Variants in ACOX1 observed in about 807,000 individuals in gnomAD.
ACOX1 encodes the protein peroxisomal acyl-coenzyme A oxidase 1.
In ACOX1, 41 loss-of-function variants were observed where a neutral mutation model predicts 75.5. The observed-to-expected ratio is 0.54, with a 90% confidence interval of 0.42 to 0.70. The LOEUF (loss-of-function observed/expected upper bound fraction) is 0.70. Among genes scored for constraint, ACOX1 ranks in the 30% least tolerant of loss-of-function variants. ACOX1 has a pLI of 0.00. For missense variants in ACOX1, 630 were observed against 837.5 expected (o/e 0.75, Z 3.06); for synonymous variants, 303 against 298.8 (o/e 1.01, Z -0.15).
At chr17:75,949,135 C>G (rs1042615378) in intron 12 of ACOX1, 82 bp downstream of exon 12, 1 of 1,539,956 alleles carries the variant, frequency 6.5e-7, no homozygotes, top group Non-Finnish European at 8.9e-7. Flanking sequence ...GCTGGGATTA[C>G]AGGCATGAGC....
At chr17:75,968,297 G>C (rs2065958281) in intron 2 of ACOX1, among the ~76,000 whole-genome samples, 1 of 147,914 alleles carries the variant, frequency 6.8e-6, no homozygotes, top group African/African-American at 2.5e-5. Flanking sequence ...TTAGCCGGGC[G>C]TAGTGGCGGG....
rs1272843777 is a variant in ACOX1, at chr17:75,955,775, G to A, written c.658+53C>T. The stretch of plus-strand genomic sequence containing the variant: ...TCAGTTGGGCATTCTACCTTTTGCA[G>A]AAGAAAGTGCTCAGTTTCATTTTCA... On this transcript the variant is annotated intron_variant, in intron 5 of 13. Coordinates refer to ENST00000293217, the MANE Select transcript of ACOX1 (RefSeq NM_004035.7). The A allele has an allele frequency of 3.1e-6, 5 of 1,613,758 alleles. No individual in the cohort carries two copies. The African/African-American group carries it at 4.0e-5, about 13-fold the overall frequency.
intron 4 of ACOX1, among the ~76,000 whole-genome samples, chr17:75,956,451 G>A (rs1210862859): frequency 6.6e-6 from 1 of 152,070 alleles, no homozygotes; most frequent in African/African-American, 2.4e-5. Flanking sequence ...AGCACTTTGG[G>A]AGGCCGAGGC....
Position 75,945,208 on chromosome 17 carries a change from G to C in ACOX1, c.*1540C>G, listed in dbSNP as rs747618955. 1 of 152,052 alleles carries C rather than the reference G, an allele frequency of 6.6e-6. No homozygotes were observed. The highest frequency in any genetic ancestry group is 2.4e-5 in the African/African-American group (1 of 41,398). The allele number at this position is 152,052 out of a possible 1,614,324, so 9.4% of individuals were successfully genotyped here. On this transcript the variant is annotated 3_prime_UTR_variant, in exon 14 of 14. Transcript: ENST00000293217. ...TGCCCAGATATTCATCTGTGAACAAGGTATTTCAACACTAATTTTGAAACA... is the reference window on the plus strand; with the variant it reads ...TGCCCAGATATTCATCTGTGAACAACGTATTTCAACACTAATTTTGAAACA...
Position 75,950,677 on chromosome 17 carries a change from T to G in ACOX1, c.1298+97A>C, listed in dbSNP as rs2065766265. 1 of 1,332,942 alleles carries G rather than the reference T, an allele frequency of 7.5e-7. No homozygotes were observed. Among genetic ancestry groups the G allele is most frequent in the South Asian group, 1.2e-5 (1 of 83,378 alleles). 82.6% of individuals were successfully genotyped at this position (1,332,942 alleles called of 1,614,324 possible). ...AGTATACCTTTCAGGAACAAATATA[T>G]ATATACGGTGAAGAAAAACCATGGG... On this transcript the variant is annotated intron_variant, in intron 9 of 13. Transcript: ENST00000293217. The surrounding 1 kb of genome is among the most constrained non-coding windows in gnomAD (Gnocchi z 4.3).
intron 6 of ACOX1, 46 bp downstream of exon 6, chr17:75,955,519 CA>C (rs769683839): frequency 2.7e-6 from 4 of 1,498,902 alleles, no homozygotes; most frequent in South Asian, 2.3e-5. Flanking sequence ...AACAGCCACT[CA>C]ACTCCACTGT....
intron 6 of ACOX1, among the ~76,000 whole-genome samples, chr17:75,953,984 C>T (rs2065798301): frequency 6.6e-6 from 1 of 152,172 alleles, no homozygotes; most frequent in South Asian, 2.1e-4. Context: ...TTTGGGAGGC[C>T]AAGGCAGACA....
intron 6 of ACOX1, among the ~76,000 whole-genome samples, chr17:75,954,317 T>TA (rs2065802542): frequency 6.6e-6 from 1 of 150,746 alleles, no homozygotes; most frequent in Admixed American, 6.6e-5. Context: ...GGTCAGGAGT[T>TA]TGAGACCAGC....
rs2065746721 is a variant in ACOX1 at position 75,948,850 on chromosome 17, A to ATT, written c.1728+365_1728+366dup. 3.0e-5 allele frequency among the ~76,000 whole-genome samples: 4 copies of ATT among 134,054 alleles called. 1 individual carries two copies. Among genetic ancestry groups the ATT allele is most frequent in the African/African-American group, 9.2e-5 (3 of 32,732 alleles). The allele number at this position is 134,054 out of a possible 152,430, so 87.9% of individuals were successfully genotyped here. ...CAGGCATGAGCCACTGTGCCTGGCT[A>ATT]TTTTTCTTTTTCTTTTTTTTTTTTT... On this transcript the variant is annotated intron_variant, in intron 12 of 13. Transcript: ENST00000293217.
intron 2 of ACOX1, among the ~76,000 whole-genome samples, chr17:75,967,661 CAT>C (rs773082322): frequency 9.8e-4 from 91 of 93,290 alleles, no homozygotes; most frequent in African/African-American, 5.7e-3. Flanking sequence ...TATATACATA[CAT>C]ATATATACAT....
rs754214869 is a variant in ACOX1 at position 75,978,628 on chromosome 17, G to A, written c.175C>T (p.Arg59Cys). 2.5e-6 allele frequency: 4 copies of A among 1,614,130 alleles called. No individual in the cohort carries two copies. The South Asian group carries it at 3.3e-5, about 13-fold the overall frequency. Residue 59 changes from arginine to cysteine, a missense_variant, in exon 2 of 14, where the codon CGT becomes TGT. Around this residue, in one of 2 missense-constraint regions of ACOX1, gnomAD observed 390 missense variants for 574.9 expected, o/e 0.68. Coordinates refer to ENST00000293217, the MANE Select transcript of ACOX1 (RefSeq NM_004035.7). This position sits in a 1 kb window ranked among gnomAD's most constrained non-coding sequence, Gnocchi z 4.2. Reference sequence around the variant, plus strand: ...CTTTTCCTGACAGCCACCTCATAACGCTGGCTGCGAGTGAGGAAGTTCAAG... The same window carrying A: ...CTTTTCCTGACAGCCACCTCATAACACTGGCTGCGAGTGAGGAAGTTCAAG... Reference protein sequence around the residue: ...EDLNFLTRSQRYEVAVRKSAI... With the variant: ...EDLNFLTRSQCYEVAVRKSAI...
Position 75,946,287 on chromosome 17 carries a change from C to G in ACOX1, c.*461G>C, listed in dbSNP as rs552686397. 5 of 190,674 alleles carry G rather than the reference C, an allele frequency of 2.6e-5. No homozygotes were observed. In the East Asian group the frequency reaches 7.0e-4, roughly 27 times the overall value. 11.8% of individuals were successfully genotyped at this position (190,674 alleles called of 1,614,324 possible). On this transcript the variant is annotated 3_prime_UTR_variant, in exon 14 of 14. Coordinates refer to ENST00000293217, the MANE Select transcript of ACOX1 (RefSeq NM_004035.7). ...CTTCCCCCAGTCCCTTTTCTTCAAT[C>G]CTGCTTTTAAGCCAGGCCCCAGGGT...
chr17:75,949,959 G>T, intron 9 of ACOX1, 62 bp from the exon 10 acceptor site: 1 of 1,584,724 alleles, frequency 6.3e-7, no homozygotes. Context: ...TTTTGAGATG[G>T]AGTTTCATTC....
chr17:75,950,855 C>A lies in ACOX1; in HGVS notation c.1217G>T (p.Gly406Val). The A allele has an allele frequency of 6.2e-7, 1 of 1,614,124 alleles. No individual in the cohort carries two copies. The highest frequency in any genetic ancestry group is 8.5e-7 in the Non-Finnish European group (1 of 1,180,028). ...GAAATTGACATAAATATTTGGAAGACCACTGCAATGAGAATAGCCATGCCC... is the reference window on the plus strand; with the variant it reads ...GAAATTGACATAAATATTTGGAAGAACACTGCAATGAGAATAGCCATGCCC... Reference protein sequence around the residue: ...CGGHGYSHCSGLPNIYVNFTP... With the variant: ...CGGHGYSHCSVLPNIYVNFTP... Residue 406 changes from glycine (G) to valine (V), a missense_variant, in exon 9 of 14, where the codon GGT becomes GTT. By Grantham distance (109) the Gly-to-Val change is moderately radical (BLOSUM62 -3). This residue lies in a region of ACOX1 where 390 missense variants were observed against 574.9 expected (regional missense o/e 0.68). Coordinates refer to ENST00000293217, the MANE Select transcript of ACOX1 (RefSeq NM_004035.7). This position sits in a 1 kb window ranked among gnomAD's most constrained non-coding sequence, Gnocchi z 4.3.
chr17:75,955,862 A>G lies in ACOX1; in HGVS notation c.624T>C (p.Pro208=). ...KCYGLHAFIV[P]IREIGTHKPL... ...GCTTATGGGTCCCGATTTCACGAATAGGTACGATAAAGGCATGTAATCCAT... is the reference window on the plus strand; with the variant it reads ...GCTTATGGGTCCCGATTTCACGAATGGGTACGATAAAGGCATGTAATCCAT... Residue 208 remains proline (P), a synonymous_variant, in exon 5 of 14, where the codon CCT becomes CCC. Coordinates refer to ENST00000293217, the MANE Select transcript of ACOX1 (RefSeq NM_004035.7). The G allele has an allele frequency of 6.2e-7, 1 of 1,614,128 alleles. No individual in the cohort carries two copies. Among genetic ancestry groups the G allele is most frequent in the Non-Finnish European group, 8.5e-7 (1 of 1,180,006 alleles).
In ACOX1 at chr17:75,953,445, C is replaced by T; in HGVS notation, c.944+6G>A. The T allele has an allele frequency of 2.5e-6, 4 of 1,613,546 alleles. No homozygotes were observed. In the South Asian group the frequency reaches 4.4e-5, roughly 18 times the overall value. ...GTACTGAGCCCATCTAGGACCCTAT[C>T]CTTACCCTGGCTTGATTTCAGACTG... On this transcript the variant is annotated splice_donor_region_variant and intron_variant, in intron 7 of 13. Transcript: ENST00000293217.
Position 75,960,104 on chromosome 17 carries a change from A to T in ACOX1, c.430+111T>A. 7.2e-7 allele frequency: 1 copy of T among 1,391,546 alleles called. No individual in the cohort carries two copies. Among genetic ancestry groups the T allele is most frequent in the Non-Finnish European group, 1.0e-6 (1 of 998,768 alleles). The allele number at this position is 1,391,546 out of a possible 1,614,324, so 86.2% of individuals were successfully genotyped here. ...TGGACTCTGCAGAAAGAGCTCATTT[A>T]AACAGACCATAGAACATCGACACAC... On this transcript the variant is annotated intron_variant, in intron 3 of 13. Coordinates refer to ENST00000293217, the MANE Select transcript of ACOX1 (RefSeq NM_004035.7). This position sits in a 1 kb window ranked among gnomAD's most constrained non-coding sequence, Gnocchi z 4.4.
In ACOX1 at chr17:75,978,881, G is replaced by A; in HGVS notation, c.109+84C>T. On this transcript the variant is annotated intron_variant, in intron 1 of 13. Transcript: ENST00000293217. This position sits in a 1 kb window ranked among gnomAD's most constrained non-coding sequence, Gnocchi z 4.2. ...CCCTAACGCTGGGCCAGAGGGCCTAGGCCCCACAGCGCCCCTGACTCCGCA... is the reference window on the plus strand; with the variant it reads ...CCCTAACGCTGGGCCAGAGGGCCTAAGCCCCACAGCGCCCCTGACTCCGCA... 6.2e-7 allele frequency: 1 copy of A among 1,600,910 alleles called. No individual in the cohort carries two copies. Among genetic ancestry groups the A allele is most frequent in the Non-Finnish European group, 8.5e-7 (1 of 1,177,890 alleles).
In ACOX1 at chr17:75,979,162, G is replaced by A; in HGVS notation, c.-89C>T. The A allele has an allele frequency of 6.5e-7, 1 of 1,537,776 alleles. No individual in the cohort carries two copies. The highest frequency in any genetic ancestry group is 8.8e-7 in the Non-Finnish European group (1 of 1,140,784). On this transcript the variant is annotated 5_prime_UTR_variant, in exon 1 of 14. Coordinates refer to ENST00000293217, the MANE Select transcript of ACOX1 (RefSeq NM_004035.7). ...AGCTCCAGCGCCGGCCGGACCCTAG[G>A]AGGCAGCCTCAGGACGGCGCAAGTC... is the stretch of plus-strand genomic sequence containing the variant.
Sources: allele counts gnomAD v4.1 joint callset (sites outside exome capture counted in the v4.1 genomes callset), GRCh38; gene constraint gnomAD v4.1.1; regional missense constraint gnomAD v4.1.1; non-coding constraint Gnocchi (gnomAD v3.1); transcripts MANE v1.5; gene names NCBI Gene and HGNC (gene_info 2026-07-23, HGNC 2026-07-21).